Variants in EFNA5 observed in about 807,000 individuals in gnomAD.
EFNA5 encodes the protein ephrin-A5.
A neutral mutation model predicts 22.9 loss-of-function variants in EFNA5; 5 were observed. That is an observed-to-expected ratio of 0.22 (90% CI 0.11 to 0.46). The LOEUF (loss-of-function observed/expected upper bound fraction) is 0.46, where lower values mean the gene tolerates loss of function less well. Ranked by LOEUF, EFNA5 falls within the 20% of genes least tolerant of loss-of-function variation. The pLI is 0.99. For missense variants in EFNA5, 237 were observed against 293.3 expected (o/e 0.81, Z 1.40); for synonymous variants, 113 against 112.2 (o/e 1.01, Z -0.04).
In EFNA5 at chr5:107,567,982, G is replaced by A. The variant is rs1389778742; in HGVS notation, c.125+102507C>T. ...CTAGATCATGGCTCACTGCAGCCTC[G>A]ACCTCCTGGGCTCAGATGATCTTCC... On this transcript the variant is annotated intron_variant, in intron 1 of 4. Coordinates refer to ENST00000333274, the MANE Select transcript of EFNA5 (RefSeq NM_001962.3). Among the ~76,000 whole-genome samples, 25 of 152,200 alleles carry A rather than the reference G, an allele frequency of 1.6e-4. No homozygotes were observed. The South Asian group carries it at 3.5e-3, about 21-fold the overall frequency.
chr5:107,580,157 C>A (rs1749011928), intron 1 of EFNA5, among the ~76,000 whole-genome samples: 1 of 152,082 alleles, frequency 6.6e-6, no homozygotes, highest in African/African-American at 2.4e-5. Flanking sequence ...TTTCAGTGAC[C>A]AACTGCCAGT....
At chr5:107,629,885 C>T (rs908713949) in intron 1 of EFNA5, among the ~76,000 whole-genome samples, 2 of 151,894 alleles carry the variant, frequency 1.3e-5, no homozygotes, top group African/African-American at 4.8e-5. Context: ...GGTGATACCC[C>T]GCTTCTACTA....
At chr5:107,493,621 A>G (rs1746875675) in intron 1 of EFNA5, among the ~76,000 whole-genome samples, 1 of 152,260 alleles carries the variant, frequency 6.6e-6, no homozygotes, top group South Asian at 2.1e-4. Context: ...TCAGATTTGT[A>G]AACTCCTAAG....
rs569071249 is a variant in EFNA5, at chr5:107,611,679, C to T, written c.125+58810G>A. 3.3e-5 allele frequency among the ~76,000 whole-genome samples: 5 copies of T among 152,306 alleles called. No individual in the cohort carries two copies. In the South Asian group the frequency reaches 1.0e-3, roughly 32 times the overall value. Reference sequence around the variant, plus strand: ...AGCATGAGCTTATAATTTTTATTCACAGGAGATCTAAGTTTGTGCTACTAT... The same window carrying T: ...AGCATGAGCTTATAATTTTTATTCATAGGAGATCTAAGTTTGTGCTACTAT... On this transcript the variant is annotated intron_variant, in intron 1 of 4. Coordinates refer to ENST00000333274, the MANE Select transcript of EFNA5 (RefSeq NM_001962.3).
At chr5:107,532,471 A>T (rs1433097329) in intron 1 of EFNA5, among the ~76,000 whole-genome samples, 1 of 152,254 alleles carries the variant, frequency 6.6e-6, no homozygotes, top group Non-Finnish European at 1.5e-5. Flanking sequence ...GGTTACAGCA[A>T]TCCCTCTAGG....
At chr5:107,420,162 CA>C (rs1748615712) in intron 2 of EFNA5, among the ~76,000 whole-genome samples, 1 of 152,110 alleles carries the variant, frequency 6.6e-6, no homozygotes, top group Admixed American at 6.6e-5. Context: ...GTAATCCTAG[CA>C]TAATGCTCCT....
intron 1 of EFNA5, among the ~76,000 whole-genome samples, chr5:107,534,187 A>G (rs554375919): frequency 3.5e-4 from 54 of 152,362 alleles, no homozygotes; most frequent in Admixed American, 9.2e-4. Context: ...GATAAAACCA[A>G]TTAAACCTAA....
chr5:107,600,728 T>C (rs1408885415), intron 1 of EFNA5, among the ~76,000 whole-genome samples: 2 of 152,038 alleles, frequency 1.3e-5, no homozygotes, highest in African/African-American at 4.8e-5. Flanking sequence ...CCTCAAGTGA[T>C]CCACCCGCCT....
intron 1 of EFNA5, among the ~76,000 whole-genome samples, chr5:107,568,797 A>G (rs746456795): frequency 2.1e-4 from 32 of 152,336 alleles, no homozygotes; most frequent in Non-Finnish European, 4.4e-4. Context: ...TTTGATACAG[A>G]ATATCTTATA....
rs764308705 is a variant in EFNA5 at position 107,387,726 on chromosome 5, T to C, written c.464A>G (p.Lys155Arg). Reference protein sequence around the residue: ...DNGRRSCLKLKVFVRPTNSCM... With the variant: ...DNGRRSCLKLRVFVRPTNSCM... ...CTTACTTGTTGGTCTCACAAAGACT[T>C]TGAGCTTTAGACAGGACCTTCTTCC... Residue 155 changes from lysine to arginine, a missense_variant, in exon 3 of 5, where the codon AAA becomes AGA. Coordinates refer to ENST00000333274, the MANE Select transcript of EFNA5 (RefSeq NM_001962.3). The C allele has an allele frequency of 6.8e-6, 11 of 1,613,098 alleles. No homozygotes were observed. The highest frequency in any genetic ancestry group is 2.2e-5 in the East Asian group (1 of 44,880).
At chr5:107,564,222 T>C (rs1748612536) in intron 1 of EFNA5, among the ~76,000 whole-genome samples, 1 of 152,214 alleles carries the variant, frequency 6.6e-6, no homozygotes, top group Admixed American at 6.5e-5. Context: ...TTCTGGAATA[T>C]GCTCCAGGCA....
At chr5:107,551,440 C>T (rs1748294187) in intron 1 of EFNA5, among the ~76,000 whole-genome samples, 1 of 152,124 alleles carries the variant, frequency 6.6e-6, no homozygotes, top group South Asian at 2.1e-4. Context: ...AGTAGTTTTA[C>T]ACGTAACTCA....
intron 1 of EFNA5, among the ~76,000 whole-genome samples, chr5:107,438,651 C>G (rs768956951): frequency 6.6e-6 from 1 of 152,094 alleles, no homozygotes; most frequent in South Asian, 2.1e-4. Flanking sequence ...AGGAAACCAG[C>G]GTTCTCAGGC....
chr5:107,410,351 A>G (rs1748335961), intron 2 of EFNA5, among the ~76,000 whole-genome samples: 1 of 152,176 alleles, frequency 6.6e-6, no homozygotes, highest in Non-Finnish European at 1.5e-5. Context: ...CTCATCTGAA[A>G]AGAAGACTAG....
At position 107,640,239 on chromosome 5, in the gene EFNA5, G is replaced by A. The variant is rs140294656; in HGVS notation, c.125+30250C>T. Among the ~76,000 whole-genome samples the A allele has an allele frequency of 2.3e-4, 35 of 152,122 alleles. No homozygotes were observed. The East Asian group carries it at 6.6e-3, about 29-fold the overall frequency. On this transcript the variant is annotated intron_variant, in intron 1 of 4. Coordinates refer to ENST00000333274, the MANE Select transcript of EFNA5 (RefSeq NM_001962.3). ...GCCCAGGAACAGGATGGCTAATCTC[G>A]ATGATAATATATGCAGCCCTTGACA... is the stretch of plus-strand genomic sequence containing the variant.
chr5:107,388,917 T>C (rs1195797395), intron 2 of EFNA5, among the ~76,000 whole-genome samples: 1 of 152,188 alleles, frequency 6.6e-6, no homozygotes, highest in African/African-American at 2.4e-5. Flanking sequence ...CAAAAATGCT[T>C]CTTTTGCAGG....
intron 1 of EFNA5, among the ~76,000 whole-genome samples, chr5:107,501,500 T>G (rs542867322): frequency 2.7e-5 from 4 of 148,314 alleles, no homozygotes. Flanking sequence ...AGTTTGGCAA[T>G]AAACCAAATT....
At chr5:107,416,621 G>A (rs10085055) in intron 2 of EFNA5, among the ~76,000 whole-genome samples, 33,180 of 151,992 alleles carry the variant, frequency 0.22, 3,791 homozygotes, top group South Asian at 0.33. Flanking sequence ...AAGTGTTACC[G>A]GAGGAGTTAT....
At chr5:107,524,125 C>T (rs1456407253) in intron 1 of EFNA5, among the ~76,000 whole-genome samples, 1 of 152,184 alleles carries the variant, frequency 6.6e-6, no homozygotes, top group African/African-American at 2.4e-5. Context: ...CCTCTTTTCA[C>T]CCATGGCAAT....
Sources: gnomAD v4.1 joint callset for allele counts (sites outside exome capture counted in the v4.1 genomes callset) on GRCh38, gnomAD v4.1.1 for gene constraint, MANE v1.5 for transcripts, NCBI Gene and HGNC (gene_info 2026-07-23, HGNC 2026-07-21) for gene names.